The following FIGN variants were observed in gnomAD, a reference collection of about 807,000 sequenced individuals.
The protein encoded by FIGN is fidgetin.
FIGN carries 11 observed loss-of-function variants against 51.3 expected under a neutral mutation model. The observed-to-expected ratio is 0.21, with a 90% CI of 0.13 to 0.35. The LOEUF (loss-of-function observed/expected upper bound fraction) is 0.35, where lower values mean the gene tolerates loss of function less well. Among genes scored for constraint, FIGN ranks in the 10% least tolerant of loss-of-function variants. The probability of loss-of-function intolerance (pLI) is 1.00; values close to 1 mark genes in which losing one functional copy is unlikely to be tolerated. For missense variants in FIGN, 857 were observed against 943.6 expected (o/e 0.91, Z 1.20); for synonymous variants, 407 against 363.2 (o/e 1.12, Z -1.37).
chr2:163,733,694 T>C (rs1375112712), intron 2 of FIGN, among the ~76,000 whole-genome samples: 1 of 152,188 alleles, frequency 6.6e-6, no homozygotes, highest in Non-Finnish European at 1.5e-5. Context: ...ATCTTTCCTA[T>C]CGTGTAAGTG....
rs1685008711 is a variant in FIGN at position 163,735,936 on chromosome 2, T to C, written c.-244A>G. On this transcript the variant is annotated 5_prime_UTR_variant, in exon 1 of 3. Coordinates refer to ENST00000333129, the MANE Select transcript of FIGN (RefSeq NM_018086.4). Reference sequence around the variant, plus strand: ...AGGGTTAAGTGAAGGTGCCTATGATTTGAAATCATTCCAAGTTTTTGAAGG... The same window carrying C: ...AGGGTTAAGTGAAGGTGCCTATGATCTGAAATCATTCCAAGTTTTTGAAGG... The C allele has an allele frequency of 6.6e-6, 1 of 152,652 alleles. No homozygotes were observed. Among genetic ancestry groups the C allele is most frequent in the Non-Finnish European group, 1.5e-5 (1 of 68,062 alleles). The allele number at this position is 152,652 out of a possible 1,614,324, so 9.5% of individuals were successfully genotyped here.
intron 2 of FIGN, among the ~76,000 whole-genome samples, chr2:163,676,910 C>A (rs1472388812): frequency 6.6e-6 from 1 of 152,006 alleles, no homozygotes; most frequent in Non-Finnish European, 1.5e-5. Flanking sequence ...AATATGTATG[C>A]AAGGAAATAT....
intron 2 of FIGN, among the ~76,000 whole-genome samples, chr2:163,703,728 A>G (rs1451094189): frequency 2.6e-5 from 4 of 152,066 alleles, no homozygotes; most frequent in Non-Finnish European, 5.9e-5. Context: ...GGCTCTACTC[A>G]TATATGGGCA....
chr2:163,727,851 A>G (rs1207316159), intron 2 of FIGN, among the ~76,000 whole-genome samples: 6 of 152,236 alleles, frequency 3.9e-5, no homozygotes, highest in Non-Finnish European at 7.3e-5. Context: ...AGTTTTAGGT[A>G]TCGCAATATG....
intron 2 of FIGN, among the ~76,000 whole-genome samples, chr2:163,706,821 C>G (rs910953529): frequency 6.6e-6 from 1 of 152,024 alleles, no homozygotes; most frequent in Non-Finnish European, 1.5e-5. Flanking sequence ...TTTTCAAACA[C>G]AAGGTTTTAT....
In FIGN at chr2:163,661,764, T is replaced by C. The variant is rs573759835; in HGVS notation, c.26-49958A>G. On this transcript the variant is annotated intron_variant, in intron 2 of 2. Transcript: ENST00000333129. ...AATAAGTCTCACAAGATCTGATGGG[T>C]TTATCAGGGGTTTCTGCTTTTTCTT... 3.5e-4 allele frequency among the ~76,000 whole-genome samples: 54 copies of C among 152,248 alleles called. No individual in the cohort carries two copies. The South Asian group carries it at 0.011, about 31-fold the overall frequency.
intron 2 of FIGN, among the ~76,000 whole-genome samples, chr2:163,722,713 A>ATAATTAATGACTGTAT (rs1392945528): frequency 1.3e-5 from 2 of 152,038 alleles, no homozygotes; most frequent in African/African-American, 2.4e-5. Context: ...TAATGACTGT[A>ATAATTAATGACTGTAT]AGCTCCTTTT....
intron 2 of FIGN, among the ~76,000 whole-genome samples, chr2:163,716,111 T>A (rs898616851): frequency 6.6e-6 from 1 of 152,228 alleles, no homozygotes; most frequent in African/African-American, 2.4e-5. Flanking sequence ...GTTGTCTGTA[T>A]GAATCAGTAA....
chr2:163,719,655 A>G (rs748795009), intron 2 of FIGN, among the ~76,000 whole-genome samples: 1 of 152,170 alleles, frequency 6.6e-6, no homozygotes, highest in Non-Finnish European at 1.5e-5. Flanking sequence ...TTTAGTTTCT[A>G]GTAAGAAGAA....
intron 2 of FIGN, among the ~76,000 whole-genome samples, chr2:163,642,099 G>A (rs1340175289): frequency 4.6e-5 from 7 of 152,102 alleles, no homozygotes; most frequent in Non-Finnish European, 8.8e-5. Flanking sequence ...AATACTATAG[G>A]ACATTCTGGC....
In FIGN at chr2:163,672,878, AATGAG is replaced by A. The variant is rs148181827; in HGVS notation, c.26-61077_26-61073del. On this transcript the variant is annotated intron_variant, in intron 2 of 2. Transcript: ENST00000333129. Reference sequence around the variant, plus strand: ...CTCTCTTATTTTGCACATTTATTTGAATGAGATGTATTTTACCTTAATTTCTTTAA... The same window carrying A: ...CTCTCTTATTTTGCACATTTATTTGAATGTATTTTACCTTAATTTCTTTAA... Among the ~76,000 whole-genome samples, 815 of 152,262 alleles carry A rather than the reference AATGAG, an allele frequency of 5.4e-3. 6 individuals carry two copies. Among genetic ancestry groups the A allele is most frequent in the African/African-American group, 0.019 (778 of 41,552 alleles).
rs1362993605 is a variant in FIGN at position 163,604,276 on chromosome 2, G to A, written c.*5276C>T. ...TGTCTTAAGTAGCCAGATTGCCAGT[G>A]TAAAATACTTGGGAATGCTAACACA... On this transcript the variant is annotated 3_prime_UTR_variant, in exon 3 of 3. Coordinates refer to ENST00000333129, the MANE Select transcript of FIGN (RefSeq NM_018086.4). 6.6e-6 allele frequency: 1 copy of A among 152,098 alleles called. No individual in the cohort carries two copies. The highest frequency in any genetic ancestry group is 6.6e-5 in the Admixed American group (1 of 15,242). The allele number at this position is 152,098 out of a possible 1,614,324, so 9.4% of individuals were successfully genotyped here.
Position 163,734,967 on chromosome 2 carries a change from C to A in FIGN, c.-40G>T. 6.2e-7 allele frequency: 1 copy of A among 1,609,506 alleles called. No individual in the cohort carries two copies. Among genetic ancestry groups the A allele is most frequent in the Non-Finnish European group, 8.5e-7 (1 of 1,178,040 alleles). On this transcript the variant is annotated 5_prime_UTR_variant, in exon 2 of 3. Transcript: ENST00000333129. ...ACAAAAAGCTGAATTGGATTTCTCA[C>A]AAGCAGGAATTCCAAAGGTTGCTTT... is the stretch of plus-strand genomic sequence containing the variant.
chr2:163,654,858 A>T (rs994706712), intron 2 of FIGN, among the ~76,000 whole-genome samples: 3 of 152,198 alleles, frequency 2.0e-5, no homozygotes, highest in Non-Finnish European at 2.9e-5. Flanking sequence ...TAAAAAATTT[A>T]AAAAAAGAAG....
intron 2 of FIGN, among the ~76,000 whole-genome samples, chr2:163,662,710 G>C (rs570125367): frequency 6.6e-6 from 1 of 152,324 alleles, no homozygotes; most frequent in East Asian, 1.9e-4. Context: ...TGGTTTGGCT[G>C]TGTCCCCACA....
At chr2:163,729,303 A>G (rs1684890003) in intron 2 of FIGN, among the ~76,000 whole-genome samples, 1 of 152,166 alleles carries the variant, frequency 6.6e-6, no homozygotes, top group Non-Finnish European at 1.5e-5. Context: ...TTCTCATGCC[A>G]GGAATATATC....
intron 2 of FIGN, among the ~76,000 whole-genome samples, chr2:163,617,881 A>G (rs2105303627): frequency 6.6e-6 from 1 of 152,338 alleles, no homozygotes; most frequent in Admixed American, 6.5e-5. Flanking sequence ...GTGAACTGCT[A>G]CACAAACATT....
chr2:163,715,105 C>T (rs976517831), intron 2 of FIGN, among the ~76,000 whole-genome samples: 4 of 152,152 alleles, frequency 2.6e-5, no homozygotes, highest in Admixed American at 2.6e-4. Flanking sequence ...AGGAAAATAG[C>T]TTATACTGTC....
At chr2:163,666,278 G>A (rs1683771993) in intron 2 of FIGN, among the ~76,000 whole-genome samples, 2 of 152,100 alleles carry the variant, frequency 1.3e-5, no homozygotes, top group African/African-American at 2.4e-5. Context: ...AGAGACAGAG[G>A]GCATTATTAG....
Sources: gnomAD v4.1 joint callset for allele counts (sites outside exome capture counted in the v4.1 genomes callset) on GRCh38, gnomAD v4.1.1 for gene constraint, MANE v1.5 for transcripts, NCBI Gene and HGNC (gene_info 2026-07-23, HGNC 2026-07-21) for gene names.